The following SGCD variants were observed in gnomAD, a reference collection of about 807,000 sequenced individuals.
The protein encoded by SGCD is sarcoglycan delta, also known as delta-sarcoglycan.
Under a neutral mutation model 36.6 loss-of-function variants are expected in SGCD, and 18 were observed. The ratio of observed to expected loss-of-function variants is 0.49; its 90% CI spans 0.34 to 0.73. The LOEUF (loss-of-function observed/expected upper bound fraction) is 0.73. Ranked by LOEUF, SGCD falls within the 30% of genes least tolerant of loss-of-function variation. The probability of loss-of-function intolerance (pLI) is 0.01; values close to 1 mark genes in which losing one functional copy is unlikely to be tolerated. For missense variants in SGCD, 387 were observed against 346.7 expected (o/e 1.12, Z -0.92); for synonymous variants, 133 against 130.6 (o/e 1.02, Z -0.12).
chr5:156,690,484 GT>G (rs1311375432), intron 7 of SGCD, among the ~76,000 whole-genome samples: 1 of 152,048 alleles, frequency 6.6e-6, no homozygotes, highest in Non-Finnish European at 1.5e-5. Flanking sequence ...CTGGTGAGTT[GT>G]TTTTGAGTAG....
intron 7 of SGCD, among the ~76,000 whole-genome samples, chr5:156,708,996 C>A (rs1754865418): frequency 6.6e-6 from 1 of 151,730 alleles, no homozygotes; most frequent in African/African-American, 2.4e-5. Flanking sequence ...CTCTCGGTAC[C>A]ATCTATCAGC....
At chr5:156,047,782 G>T (rs1189206725) in intron 1 of SGCD, among the ~76,000 whole-genome samples, 1 of 151,768 alleles carries the variant, frequency 6.6e-6, no homozygotes, top group Non-Finnish European at 1.5e-5. Context: ...TCCAGCCCAT[G>T]GATCAAAGAT....
the SGCD span, among the ~76,000 whole-genome samples, chr5:155,742,151 A>T: frequency 6.6e-6 from 1 of 152,198 alleles, no homozygotes; most frequent in Non-Finnish European, 1.5e-5. Flanking sequence ...GGCTTAAATT[A>T]GGGTTTTAAG....
intron 1 of SGCD, among the ~76,000 whole-genome samples, chr5:155,919,235 T>G (rs1282758097): frequency 6.6e-6 from 1 of 152,206 alleles, no homozygotes; most frequent in Admixed American, 6.5e-5. Flanking sequence ...ATATGCAAGT[T>G]CAAAAAGATT....
At chr5:156,179,744 CT>C (rs953961312) in intron 3 of SGCD, among the ~76,000 whole-genome samples, 23 of 151,996 alleles carry the variant, frequency 1.5e-4, no homozygotes, top group African/African-American at 5.3e-4. Context: ...CTGCCTCAGC[CT>C]CCCCAGTAGT....
chr5:156,474,442 G>A (rs1044051621), intron 3 of SGCD, among the ~76,000 whole-genome samples: 6 of 152,152 alleles, frequency 3.9e-5, no homozygotes, highest in African/African-American at 1.4e-4. Context: ...TAGGTAGCTT[G>A]TACTGACTCC....
At chr5:155,935,306 C>T (rs1047160075) in intron 1 of SGCD, among the ~76,000 whole-genome samples, 1 of 152,058 alleles carries the variant, frequency 6.6e-6, no homozygotes, top group South Asian at 2.1e-4. Context: ...TTACTGAATT[C>T]ATTTATTCAA....
At chr5:155,963,770 A>G (rs1757841122) in intron 1 of SGCD, among the ~76,000 whole-genome samples, 1 of 152,114 alleles carries the variant, frequency 6.6e-6, no homozygotes, top group Admixed American at 6.5e-5. Context: ...TGCATTCAGT[A>G]GGGACTTATT....
At chr5:155,945,656 G>A (rs1757423667) in intron 1 of SGCD, among the ~76,000 whole-genome samples, 3 of 152,154 alleles carry the variant, frequency 2.0e-5, no homozygotes, top group Non-Finnish European at 4.4e-5. Context: ...CAGATTGTGT[G>A]TCCGGAGGGT....
intron 1 of SGCD, among the ~76,000 whole-genome samples, chr5:156,068,830 T>TGG (rs1378011768): frequency 1.3e-5 from 2 of 151,904 alleles, no homozygotes; most frequent in Non-Finnish European, 2.9e-5. Flanking sequence ...TGGTGTGAGA[T>TGG]GGTATCTCAT....
At chr5:156,054,719 C>A (rs1168547109) in intron 1 of SGCD, among the ~76,000 whole-genome samples, 1 of 146,640 alleles carries the variant, frequency 6.8e-6, no homozygotes, top group African/African-American at 2.5e-5. Context: ...TTCATTATCC[C>A]ATTTCTTTTC....
At chr5:156,199,399 T>A (rs1199568559) in intron 3 of SGCD, among the ~76,000 whole-genome samples, 1 of 151,928 alleles carries the variant, frequency 6.6e-6, no homozygotes, top group Non-Finnish European at 1.5e-5. Context: ...AATAATAAAT[T>A]CAATCAGGCA....
chr5:156,136,296 A>G (rs1762454563), intron 3 of SGCD, among the ~76,000 whole-genome samples: 1 of 152,182 alleles, frequency 6.6e-6, no homozygotes, highest in African/African-American at 2.4e-5. Context: ...ATTTTTTTGT[A>G]GAGGCAGGGA....
the SGCD span, among the ~76,000 whole-genome samples, chr5:155,729,738 C>T: frequency 6.6e-6 from 1 of 152,178 alleles, no homozygotes; most frequent in Non-Finnish European, 1.5e-5. Flanking sequence ...GAAATGCGCT[C>T]CCTGCTCTCA....
intron 7 of SGCD, among the ~76,000 whole-genome samples, chr5:156,694,046 T>C (rs913043200): frequency 1.3e-5 from 2 of 152,210 alleles, no homozygotes; most frequent in South Asian, 2.1e-4. Flanking sequence ...TTACATTCCC[T>C]GCCTGGGCCC....
At chr5:156,456,916 AT>A (rs1477769043) in intron 3 of SGCD, among the ~76,000 whole-genome samples, 2 of 152,210 alleles carry the variant, frequency 1.3e-5, no homozygotes, top group Non-Finnish European at 2.9e-5. Context: ...TATAGACAAA[AT>A]TTTATTTTTC....
chr5:156,036,355 G>C lies in SGCD; in HGVS notation c.-281-81523G>C, dbSNP rs190019123. On this transcript the variant is annotated intron_variant, in intron 1 of 9. Transcript: ENST00000517913. ...CATTTCAGGAAAGCAGAAGTTTCAG[G>C]CAAAATCATCAGCAGAAAGAAATGT... is the stretch of plus-strand genomic sequence containing the variant. Among the ~76,000 whole-genome samples, 277 of 152,234 alleles carry C rather than the reference G, an allele frequency of 1.8e-3. 1 individual carries two copies. Among genetic ancestry groups the C allele is most frequent in the African/African-American group, 6.5e-3 (271 of 41,534 alleles).
At chr5:156,737,212 A>G (rs1471999114) in intron 7 of SGCD, among the ~76,000 whole-genome samples, 1 of 152,108 alleles carries the variant, frequency 6.6e-6, no homozygotes, top group Non-Finnish European at 1.5e-5. Flanking sequence ...GAGCCCTAAA[A>G]CTCAGTCTAT....
chr5:156,346,506 C>T lies in SGCD; in HGVS notation c.192+1829C>T, dbSNP rs183034090. Among the ~76,000 whole-genome samples, 175 of 152,188 alleles carry T rather than the reference C, an allele frequency of 1.1e-3. 1 individual carries two copies. The highest frequency in any genetic ancestry group is 4.1e-3 in the African/African-American group (170 of 41,532). On this transcript the variant is annotated intron_variant, in intron 3 of 8. Transcript: ENST00000337851. The stretch of plus-strand genomic sequence containing the variant: ...TAGAGATGGGTGTCTCACTGTGTGG[C>T]CCAAGCTGGTCTCAAACTCCTGACC...
Sources: gnomAD v4.1 joint callset for allele counts (sites outside exome capture counted in the v4.1 genomes callset) on GRCh38, gnomAD v4.1.1 for gene constraint, MANE v1.5 for transcripts, NCBI Gene and HGNC (gene_info 2026-07-23, HGNC 2026-07-21) for gene names.